SORCS2: variants seen among roughly 807,000 people sequenced by gnomAD.
SORCS2 encodes the protein sortilin related VPS10 domain containing receptor 2.
SORCS2 carries 100 observed loss-of-function variants against 141.6 expected under a neutral mutation model. The ratio of observed to expected loss-of-function variants is 0.71; its 90% CI spans 0.60 to 0.83. SORCS2 has a LOEUF of 0.83. Among genes scored for constraint, SORCS2 ranks in the 40% least tolerant of loss-of-function variants. The pLI is 0.00. For missense variants in SORCS2, 1,646 were observed against 1,560.2 expected (o/e 1.05, Z -0.93); for synonymous variants, 789 against 676.9 (o/e 1.17, Z -2.57).
chr4:7,570,255 C>T (rs1392982051), intron 3 of SORCS2, among the ~76,000 whole-genome samples: 3 of 152,156 alleles, frequency 2.0e-5, no homozygotes, highest in African/African-American at 7.2e-5. Flanking sequence ...AAGCAGAGGC[C>T]GGTGGAGCCC....
chr4:7,433,416 G>C, intron 2 of SORCS2: 1 of 1,511,656 alleles, frequency 6.6e-7, no homozygotes, highest in Admixed American at 2.3e-5. Flanking sequence ...TCCTGCACCA[G>C]AAGCTTGGGC....
At chr4:7,625,765 G>A (rs568961007) in intron 3 of SORCS2, among the ~76,000 whole-genome samples, 1 of 152,070 alleles carries the variant, frequency 6.6e-6, no homozygotes, top group South Asian at 2.1e-4. Context: ...GAGGGAGGGA[G>A]GGAAGAAAGA....
chr4:7,392,715 T>C (rs1361102833), intron 1 of SORCS2, among the ~76,000 whole-genome samples: 1 of 151,962 alleles, frequency 6.6e-6, no homozygotes, highest in Non-Finnish European at 1.5e-5. Flanking sequence ...GCTTGTCCCG[T>C]GCTTAGGAGG....
intron 2 of SORCS2, among the ~76,000 whole-genome samples, chr4:7,453,651 G>A (rs2109301281): frequency 7.9e-6 from 1 of 126,006 alleles, no homozygotes; most frequent in South Asian, 2.8e-4. Context: ...GCACTGTGTT[G>A]GGGTCAGGAG....
intron 1 of SORCS2, among the ~76,000 whole-genome samples, chr4:7,198,168 G>T (rs1255948457): frequency 2.0e-5 from 3 of 152,158 alleles, no homozygotes; most frequent in Non-Finnish European, 4.4e-5. Flanking sequence ...GAGGAGAGTG[G>T]GCTGGAGAGA....
intron 1 of SORCS2, among the ~76,000 whole-genome samples, chr4:7,250,053 C>A (rs1375552677): frequency 6.6e-6 from 1 of 152,062 alleles, no homozygotes; most frequent in East Asian, 1.9e-4. Context: ...ACCAGTCTGG[C>A]CAACATGGTG....
intron 3 of SORCS2, among the ~76,000 whole-genome samples, chr4:7,607,615 A>G (rs959082060): frequency 6.6e-6 from 1 of 152,210 alleles, no homozygotes; most frequent in Admixed American, 6.5e-5. Flanking sequence ...CATGGAAGGA[A>G]GCAGCCTTTT....
intron 2 of SORCS2, among the ~76,000 whole-genome samples, chr4:7,520,005 C>T (rs578172902): frequency 6.6e-6 from 1 of 152,214 alleles, no homozygotes; most frequent in Non-Finnish European, 1.5e-5. Context: ...AGGCTTACCC[C>T]CTTCAGTGCT....
At chr4:7,416,289 C>T (rs1168684370) in intron 2 of SORCS2, among the ~76,000 whole-genome samples, 1 of 152,136 alleles carries the variant, frequency 6.6e-6, no homozygotes, top group East Asian at 1.9e-4. Flanking sequence ...CTTTTTCAGC[C>T]AGTGGGCAAA....
At chr4:7,471,596 G>A (rs1729981343) in intron 2 of SORCS2, among the ~76,000 whole-genome samples, 1 of 152,212 alleles carries the variant, frequency 6.6e-6, no homozygotes, top group African/African-American at 2.4e-5. Context: ...TCGGTTCCTG[G>A]ACTCATCAGA....
intron 2 of SORCS2, among the ~76,000 whole-genome samples, chr4:7,425,540 C>T (rs1216129418): frequency 1.3e-5 from 2 of 152,176 alleles, no homozygotes; most frequent in African/African-American, 4.8e-5. Context: ...GATTAGAAGC[C>T]CGACACCTGA....
intron 2 of SORCS2, among the ~76,000 whole-genome samples, chr4:7,435,887 CA>C (rs1318957534): frequency 6.6e-6 from 1 of 152,184 alleles, no homozygotes. Flanking sequence ...GGTTTGATGG[CA>C]GGGGGCTCCC....
At chr4:7,695,580 ATGGATTGG>A (rs1560490094) in intron 11 of SORCS2, among the ~76,000 whole-genome samples, 26 of 14,636 alleles carry the variant, frequency 1.8e-3, no homozygotes, top group South Asian at 3.5e-3. Flanking sequence ...GGATGGATGG[ATGGATTGG>A]TGGGTGGGTG....
At chr4:7,485,662 G>A (rs557684465) in intron 2 of SORCS2, among the ~76,000 whole-genome samples, 3 of 152,384 alleles carry the variant, frequency 2.0e-5, no homozygotes, top group East Asian at 1.9e-4. Flanking sequence ...CGGCCAGGCC[G>A]TGTGGACCCA....
chr4:7,403,989 ATATATATATTT>A (rs1301284072), intron 2 of SORCS2, among the ~76,000 whole-genome samples: 249 of 7,748 alleles, frequency 0.032, 8 homozygotes, highest in African/African-American at 0.056. Flanking sequence ...ATATATATAT[ATATATATATTT>A]TTTTTTTTTT....
intron 4 of SORCS2, among the ~76,000 whole-genome samples, chr4:7,646,178 A>G (rs1721060659): frequency 6.6e-6 from 1 of 152,224 alleles, no homozygotes; most frequent in African/African-American, 2.4e-5. Context: ...CCAGGACGCA[A>G]GGAAGTCAGC....
Position 7,355,278 on chromosome 4 carries a change from C to T in SORCS2, c.481-41010C>T, listed in dbSNP as rs114082474. Among the ~76,000 whole-genome samples the T allele has an allele frequency of 8.7e-3, 1,317 of 152,154 alleles. 14 individuals carry two copies. The highest frequency in any genetic ancestry group is 0.025 in the African/African-American group (1,054 of 41,516). ...TTAGCCTAACCCCTCTGTGCCCTTCCGGGTTTATGGCATCCCACCCCGCCC... is the reference window on the plus strand; with the variant it reads ...TTAGCCTAACCCCTCTGTGCCCTTCTGGGTTTATGGCATCCCACCCCGCCC... On this transcript the variant is annotated intron_variant, in intron 1 of 26. Coordinates refer to ENST00000507866, the MANE Select transcript of SORCS2 (RefSeq NM_020777.3).
rs140925895 is a variant in SORCS2 at position 7,473,227 on chromosome 4, A to G, written c.549-58303A>G. Among the ~76,000 whole-genome samples, 640 of 152,288 alleles carry G rather than the reference A, an allele frequency of 4.2e-3. 8 individuals carry two copies. The highest frequency in any genetic ancestry group is 0.014 in the African/African-American group (599 of 41,562). On this transcript the variant is annotated intron_variant, in intron 2 of 26. Transcript: ENST00000507866. ...CACAAATATGTGTTTGCCAAGTTGAATGTAAGGGCTCGGGCTGCAGCCGGG... is the reference window on the plus strand; with the variant it reads ...CACAAATATGTGTTTGCCAAGTTGAGTGTAAGGGCTCGGGCTGCAGCCGGG...
chr4:7,325,954 A>C (rs1456264129), intron 1 of SORCS2, among the ~76,000 whole-genome samples: 1 of 152,078 alleles, frequency 6.6e-6, no homozygotes, highest in African/African-American at 2.4e-5. Flanking sequence ...TGGGAACCTC[A>C]ATGTCCCTGA....
Sources: allele counts gnomAD v4.1 joint callset (sites outside exome capture counted in the v4.1 genomes callset), GRCh38; gene constraint gnomAD v4.1.1; transcripts MANE v1.5; gene names NCBI Gene and HGNC (gene_info 2026-07-23, HGNC 2026-07-21).